Variants in ARHGAP32 observed in about 807,000 individuals in gnomAD.
ARHGAP32 encodes rho GTPase-activating protein 32.
ARHGAP32 carries 51 observed loss-of-function variants against 186.5 expected under a neutral mutation model. The observed-to-expected ratio is 0.27, with a 90% CI of 0.22 to 0.35. ARHGAP32 has a LOEUF of 0.35. Ranked by LOEUF, ARHGAP32 falls within the 10% of genes least tolerant of loss-of-function variation. The pLI, the probability that ARHGAP32 is intolerant of heterozygous loss-of-function variation, is 1.00. For synonymous variants in ARHGAP32, 950 were observed against 964.3 expected (o/e 0.99, Z 0.27); for missense variants, 2,186 against 2,623.5 (o/e 0.83, Z 3.64).
In ARHGAP32 at chr11:128,998,459, T is replaced by A. The variant is rs1197559456; in HGVS notation, c.1055A>T (p.Lys352Met). The A allele has an allele frequency of 6.5e-7, 1 of 1,540,578 alleles. No homozygotes were observed. Among genetic ancestry groups the A allele is most frequent in the Non-Finnish European group, 8.8e-7 (1 of 1,137,896 alleles). The change falls in exon 12 of 23, where the codon AAG becomes ATG. Residue 352 changes from lysine to methionine, a missense_variant. Coordinates refer to ENST00000682385, the MANE Select transcript of ARHGAP32 (RefSeq NM_001378024.1). ...TNSVPKPVSK[K>M]HGKLITFLRT... ...TAAGAACGTAATGAGCTTGCCGTGC[T>A]TTTTAGACACTAAAAATCAATAAAG...
intron 13 of ARHGAP32, 51 bp from the exon 14 acceptor site, chr11:128,986,719 T>C: frequency 6.3e-7 from 1 of 1,580,890 alleles, no homozygotes; most frequent in Non-Finnish European, 8.7e-7. Context: ...GGAGAGCAAA[T>C]ATGTGTCTTA....
intron 20 of ARHGAP32, among the ~76,000 whole-genome samples, chr11:128,975,442 G>A (rs1029358199): frequency 6.6e-6 from 1 of 151,822 alleles, no homozygotes; most frequent in Non-Finnish European, 1.5e-5. Flanking sequence ...TTTTTGTGGG[G>A]AAACATCCTT....
At chr11:129,162,704 T>A (rs1054204900) in intron 2 of ARHGAP32, among the ~76,000 whole-genome samples, 2 of 152,146 alleles carry the variant, frequency 1.3e-5, no homozygotes, top group South Asian at 4.1e-4. Flanking sequence ...GCTAATCAGT[T>A]TTTACTGCAG....
chr11:129,010,507 G>C (rs115301339), intron 11 of ARHGAP32, among the ~76,000 whole-genome samples: 1 of 151,926 alleles, frequency 6.6e-6, no homozygotes. Context: ...AATTTTCTGC[G>C]TATGGCTAGC....
At chr11:129,038,011 G>T (rs1005866896) in intron 11 of ARHGAP32, among the ~76,000 whole-genome samples, 1 of 151,822 alleles carries the variant, frequency 6.6e-6, no homozygotes, top group African/African-American at 2.4e-5. Flanking sequence ...TGAGGCAAGA[G>T]AATTGCTTGA....
chr11:128,979,698 T>C (rs1217447994), intron 18 of ARHGAP32, among the ~76,000 whole-genome samples: 2 of 152,322 alleles, frequency 1.3e-5, no homozygotes, highest in Non-Finnish European at 1.5e-5. Context: ...GAAAGGAAGT[T>C]AGAGGAGTAT....
At chr11:129,113,532 A>T (rs1407237289) in intron 5 of ARHGAP32, among the ~76,000 whole-genome samples, 2 of 152,032 alleles carry the variant, frequency 1.3e-5, no homozygotes, top group African/African-American at 4.8e-5. Flanking sequence ...TTATATATAT[A>T]TTTTGCATTC....
intron 12 of ARHGAP32, among the ~76,000 whole-genome samples, chr11:128,990,602 A>G (rs964816980): frequency 7.2e-5 from 11 of 152,252 alleles, no homozygotes; most frequent in African/African-American, 2.7e-4. Flanking sequence ...GATGAAGGGC[A>G]GGTAGAATTG....
chr11:129,088,930 C>G (rs1002184007), intron 6 of ARHGAP32, among the ~76,000 whole-genome samples: 11 of 130,776 alleles, frequency 8.4e-5, no homozygotes, highest in African/African-American at 2.9e-4. Flanking sequence ...CCTGGGAGGT[C>G]GAGGCTGTAG....
chr11:129,068,351 C>G (rs148727389), intron 6 of ARHGAP32, among the ~76,000 whole-genome samples: 4 of 152,178 alleles, frequency 2.6e-5, no homozygotes, highest in African/African-American at 9.6e-5. Context: ...GTTTGTTCTT[C>G]CTGTCATGTT....
rs146429472 is a variant in ARHGAP32, at chr11:129,007,713, G to GC, written c.1046-9246dup. On this transcript the variant is annotated intron_variant, in intron 11 of 22. Transcript: ENST00000682385. Reference sequence around the variant, plus strand: ...GAGAGGTGGCACAAGCACTCCCTTAGCCACCCTGGCTGGTGTCTCAGTAGG... The same window carrying GC: ...GAGAGGTGGCACAAGCACTCCCTTAGCCCACCCTGGCTGGTGTCTCAGTAGG... Among the ~76,000 whole-genome samples the GC allele has an allele frequency of 9.9e-5, 15 of 152,262 alleles. No individual in the cohort carries two copies. In the East Asian group the frequency reaches 2.7e-3, roughly 27 times the overall value.
At position 128,970,434 on chromosome 11, in the gene ARHGAP32, G is replaced by A. The variant is rs762592524; in HGVS notation, c.4779C>T (p.Thr1593=). 1.5e-5 allele frequency: 24 copies of A among 1,614,068 alleles called. No homozygotes were observed. Among genetic ancestry groups the A allele is most frequent in the Non-Finnish European group, 1.9e-5 (22 of 1,180,046 alleles). ...CATGGAGAGACTGCACTCTCCGGATGGTAGGGTACGGTGGAATGTCTTCGG... is the reference window on the plus strand; with the variant it reads ...CATGGAGAGACTGCACTCTCCGGATAGTAGGGTACGGTGGAATGTCTTCGG... The part of the protein sequence containing the change: ...CYPEDIPPYP[T]IRRVQSLHAP... The change falls in exon 23 of 23, where the codon ACC becomes ACT. Residue 1593 remains threonine, a synonymous_variant. Coordinates refer to ENST00000682385, the MANE Select transcript of ARHGAP32 (RefSeq NM_001378024.1). This position sits in a 1 kb window ranked among gnomAD's most constrained non-coding sequence, Gnocchi z 5.8.
At chr11:128,971,367 CCATT>C (rs1425239436) in intron 22 of ARHGAP32, 1 of 502,246 alleles carries the variant, frequency 2.0e-6, no homozygotes, top group African/African-American at 1.9e-5. Flanking sequence ...CTTTGGAGAA[CCATT>C]CAAAGTTTTC....
intron 5 of ARHGAP32, among the ~76,000 whole-genome samples, chr11:129,114,331 G>A (rs1024737260): frequency 2.6e-5 from 4 of 152,072 alleles, no homozygotes; most frequent in African/African-American, 9.7e-5. Flanking sequence ...TAAAGATGAA[G>A]ACTTTTGAAT....
intron 1 of ARHGAP32, among the ~76,000 whole-genome samples, chr11:129,239,349 C>T (rs1231285573): frequency 6.6e-6 from 1 of 152,142 alleles, no homozygotes; most frequent in Non-Finnish European, 1.5e-5. Context: ...ATTTATGCAT[C>T]ACAGCAGCGC....
intron 15 of ARHGAP32, 168 bp downstream of exon 15, chr11:128,985,835 T>C (rs78755612): frequency 6.1e-4 from 32 of 52,422 alleles, no homozygotes; most frequent in East Asian, 2.7e-3. Flanking sequence ...TGTGTGCGTG[T>C]GTGTGTGTGT....
chr11:129,174,978 A>G (rs1174015568), intron 1 of ARHGAP32, among the ~76,000 whole-genome samples: 4 of 143,592 alleles, frequency 2.8e-5, no homozygotes, highest in African/African-American at 1.1e-4. Context: ...AAGGCTTCAG[A>G]CGATCAAATT....
intron 1 of ARHGAP32, 51 bp downstream of exon 1, chr11:129,192,032 G>T: frequency 1.5e-6 from 2 of 1,308,002 alleles, no homozygotes; most frequent in Non-Finnish European, 2.2e-6. Context: ...AAGGGGTGCG[G>T]GTGGGGGTAG....
chr11:128,974,516 G>A lies in ARHGAP32; in HGVS notation c.2681C>T (p.Pro894Leu). 2 of 1,614,148 alleles carry A rather than the reference G, an allele frequency of 1.2e-6. No individual in the cohort carries two copies. The highest frequency in any genetic ancestry group is 8.5e-7 in the Non-Finnish European group (1 of 1,180,026). ...LSPTEDKSSK[P>L]SSFTEKVVYA... is the part of the protein sequence containing the mutation. ...GACGACCTTTTCAGTAAAGGAGGAT[G>A]GCTTAGATGATTTATCTTCAGTTGG... The change falls in exon 21 of 23, where the codon CCA (proline) becomes CTA (leucine). Residue 894 changes from proline to leucine, a missense_variant. Physicochemically the swap from Pro to Leu is moderately conservative, Grantham distance 98. Transcript: ENST00000682385.
Sources: gnomAD v4.1 joint callset for allele counts (sites outside exome capture counted in the v4.1 genomes callset) on GRCh38, gnomAD v4.1.1 for gene constraint, Gnocchi (gnomAD v3.1) non-coding constraint, MANE v1.5 for transcripts, NCBI Gene and HGNC (gene_info 2026-07-23, HGNC 2026-07-21) for gene names.